SPOCK1: variants seen among roughly 807,000 people sequenced by gnomAD.
The protein encoded by SPOCK1 is SPARC (osteonectin), cwcv and kazal like domains proteoglycan 1, also known as testican-1.
SPOCK1 carries 23 observed loss-of-function variants against 55.3 expected under a neutral mutation model. That is an observed-to-expected ratio of 0.42 (90% confidence interval 0.30 to 0.59). The LOEUF is 0.59. Among genes scored for constraint, SPOCK1 ranks in the 20% least tolerant of loss-of-function variants. The pLI, the probability that SPOCK1 is intolerant of heterozygous loss-of-function variation, is 0.22. For missense variants in SPOCK1, 499 were observed against 552.5 expected, an observed-to-expected ratio of 0.90 and a Z score of 0.97; for synonymous variants, 226 against 221.0, an observed-to-expected ratio of 1.02 and a Z score of -0.20.
chr5:137,063,195 T>G (rs1335788727), intron 6 of SPOCK1, among the ~76,000 whole-genome samples: 1 of 143,270 alleles, frequency 7.0e-6, no homozygotes, highest in Non-Finnish European at 1.5e-5. Flanking sequence ...ATTGCGCCAC[T>G]GCAGTCCGCA....
intron 2 of SPOCK1, among the ~76,000 whole-genome samples, chr5:137,380,779 G>C (rs1751445930): frequency 6.6e-6 from 1 of 152,166 alleles, no homozygotes; most frequent in African/African-American, 2.4e-5. Flanking sequence ...GATTTGGGCA[G>C]AGACAAAAAT....
intron 2 of SPOCK1, among the ~76,000 whole-genome samples, chr5:137,329,338 G>C (rs1410205181): frequency 6.6e-6 from 1 of 151,882 alleles, no homozygotes; most frequent in East Asian, 1.9e-4. Flanking sequence ...AGTCACATGA[G>C]CCACTTCCTT....
chr5:137,262,117 C>G (rs891644456), intron 3 of SPOCK1, among the ~76,000 whole-genome samples: 1 of 152,162 alleles, frequency 6.6e-6, no homozygotes. Context: ...TTAGAATTCA[C>G]TTTGCTGTAT....
At chr5:137,071,325 G>A (rs1433678085) in intron 5 of SPOCK1, among the ~76,000 whole-genome samples, 4 of 152,078 alleles carry the variant, frequency 2.6e-5, no homozygotes, top group African/African-American at 9.7e-5. Flanking sequence ...CTTAAAACAG[G>A]CTATTTAGAG....
chr5:137,102,296 A>T (rs762458990), intron 5 of SPOCK1, among the ~76,000 whole-genome samples: 2 of 152,152 alleles, frequency 1.3e-5, no homozygotes, highest in Non-Finnish European at 2.9e-5. Flanking sequence ...AGCTAGTTGG[A>T]ATCTTTTGCC....
At chr5:137,087,908 T>G (rs190626713) in intron 5 of SPOCK1, among the ~76,000 whole-genome samples, 135 of 152,242 alleles carry the variant, frequency 8.9e-4, no homozygotes, top group African/African-American at 3.2e-3. Flanking sequence ...ACCCAGGATT[T>G]CTGCAACAAA....
At chr5:137,119,516 C>G (rs977869304) in intron 4 of SPOCK1, among the ~76,000 whole-genome samples, 1 of 152,148 alleles carries the variant, frequency 6.6e-6, no homozygotes, top group Non-Finnish European at 1.5e-5. Context: ...AAAGAGACTC[C>G]CACGAGAGAG....
intron 2 of SPOCK1, among the ~76,000 whole-genome samples, chr5:137,411,058 T>C (rs1343747357): frequency 6.6e-6 from 1 of 152,038 alleles, no homozygotes; most frequent in Non-Finnish European, 1.5e-5. Flanking sequence ...AGCCAGAAGG[T>C]CTTTACTTGG....
At chr5:137,003,188 C>G (rs991845146) in intron 6 of SPOCK1, among the ~76,000 whole-genome samples, 3 of 152,116 alleles carry the variant, frequency 2.0e-5, no homozygotes, top group Admixed American at 6.5e-5. Flanking sequence ...GGTGGATCAC[C>G]TGAGGCCAGG....
In SPOCK1 at chr5:137,356,873, A is replaced by AGAGAGAGAGAGAGAGAGT. The variant is rs796667572; in HGVS notation, c.187-89819_187-89818insACTCTCTCTCTCTCTCTC. Among the ~76,000 whole-genome samples the AGAGAGAGAGAGAGAGAGT allele has an allele frequency of 9.0e-3, 624 of 69,686 alleles. 89 individuals are homozygous for AGAGAGAGAGAGAGAGAGT. Among genetic ancestry groups the AGAGAGAGAGAGAGAGAGT allele is most frequent in the African/African-American group, 0.015 (202 of 13,648 alleles). 45.7% of individuals were successfully genotyped at this position (69,686 alleles called of 152,430 possible). A position where few individuals can be genotyped will look rare whatever the true frequency, so the allele number is the denominator to read the frequency against. On this transcript the variant is annotated intron_variant, in intron 2 of 10. Transcript: ENST00000394945. The stretch of plus-strand genomic sequence containing the variant: ...GAGAGAGAGAGAGAGAGAGAGAGAG[A>AGAGAGAGAGAGAGAGAGT]GAGTATGCAGACCAACCAGGGGGCC...
At chr5:137,284,719 C>G (rs1187059581) in intron 2 of SPOCK1, among the ~76,000 whole-genome samples, 2 of 152,168 alleles carry the variant, frequency 1.3e-5, no homozygotes, top group Admixed American at 1.3e-4. Flanking sequence ...TCCTTAGTCT[C>G]CCACACAAAA....
chr5:137,021,517 A>G (rs1561581999), intron 6 of SPOCK1, among the ~76,000 whole-genome samples: 1 of 152,202 alleles, frequency 6.6e-6, no homozygotes, highest in African/African-American at 2.4e-5. Flanking sequence ...GTTACCGTTT[A>G]TCCCTTACAC....
chr5:137,189,780 A>G (rs1296294053), intron 3 of SPOCK1, among the ~76,000 whole-genome samples: 2 of 152,200 alleles, frequency 1.3e-5, no homozygotes, highest in African/African-American at 2.4e-5. Flanking sequence ...ATCTGGGCAA[A>G]GTAAATTGAA....
chr5:137,369,389 C>T (rs1450077882), intron 2 of SPOCK1, among the ~76,000 whole-genome samples: 44 of 152,152 alleles, frequency 2.9e-4, no homozygotes, highest in Admixed American at 2.8e-3. Flanking sequence ...CTACACATGG[C>T]TTTGCAAGGG....
chr5:137,207,302 G>T (rs1320378096), intron 3 of SPOCK1, among the ~76,000 whole-genome samples: 4 of 152,246 alleles, frequency 2.6e-5, no homozygotes, highest in Non-Finnish European at 5.9e-5. Flanking sequence ...CCAGCAGGGA[G>T]CCTTTTCAGT....
intron 6 of SPOCK1, among the ~76,000 whole-genome samples, chr5:137,022,623 G>A (rs558244883): frequency 3.6e-4 from 55 of 152,244 alleles, no homozygotes; most frequent in African/African-American, 1.1e-3. Flanking sequence ...AAGTAGCTGC[G>A]TGCCTGGTTA....
chr5:137,499,093 G>C (rs1165641103), intron 1 of SPOCK1, 86 bp downstream of exon 1: 1 of 152,320 alleles, frequency 6.6e-6, no homozygotes, highest in Non-Finnish European at 1.5e-5. Flanking sequence ...GGTAACCCCA[G>C]GCCCTGACCC....
intron 2 of SPOCK1, among the ~76,000 whole-genome samples, chr5:137,272,833 A>G (rs1007444091): frequency 6.0e-5 from 9 of 148,782 alleles, no homozygotes; most frequent in Non-Finnish European, 1.3e-4. Context: ...TCAACAGCAC[A>G]CAGTAAATCC....
chr5:137,302,376 T>C (rs985288856), intron 2 of SPOCK1, among the ~76,000 whole-genome samples: 17 of 148,694 alleles, frequency 1.1e-4, no homozygotes, highest in Non-Finnish European at 2.2e-4. Context: ...GAGACCATCC[T>C]GGCCAACACA....
Sources: allele counts gnomAD v4.1 joint callset (sites outside exome capture counted in the v4.1 genomes callset), GRCh38; gene constraint gnomAD v4.1.1; transcripts MANE v1.5; gene names NCBI Gene and HGNC (gene_info 2026-07-23, HGNC 2026-07-21).